Variants in SLC24A2 observed in about 807,000 individuals in gnomAD.
SLC24A2 encodes the protein sodium/potassium/calcium exchanger 2.
Under a neutral mutation model 62.0 loss-of-function variants are expected in SLC24A2, and 36 were observed. That is an observed-to-expected ratio of 0.58 (90% CI 0.44 to 0.77). SLC24A2 has a LOEUF of 0.77. Ranked by LOEUF, SLC24A2 falls within the 30% of genes least tolerant of loss-of-function variation. The pLI, the probability that SLC24A2 is intolerant of heterozygous loss-of-function variation, is 0.00. For synonymous variants in SLC24A2, 358 were observed against 294.0 expected, an observed-to-expected ratio of 1.22 and a Z score of -2.23; for missense variants, 846 against 817.9, an observed-to-expected ratio of 1.03 and a Z score of -0.42.
chr9:19,732,152 T>C (rs939551145), intron 2 of SLC24A2, among the ~76,000 whole-genome samples: 1 of 152,168 alleles, frequency 6.6e-6, no homozygotes, highest in African/African-American at 2.4e-5. Flanking sequence ...TAGACAGAAC[T>C]GCAAAAGGGC....
intron 5 of SLC24A2, among the ~76,000 whole-genome samples, chr9:19,591,683 A>G (rs1444421728): frequency 6.6e-6 from 1 of 152,200 alleles, no homozygotes; most frequent in African/African-American, 2.4e-5. Context: ...TGAGGTTACA[A>G]ATCATATACG....
At chr9:19,950,120 G>A in the SLC24A2 span, among the ~76,000 whole-genome samples, 1 of 152,172 alleles carries the variant, frequency 6.6e-6, no homozygotes, top group South Asian at 2.1e-4. Flanking sequence ...CCAAATCTGT[G>A]ACTTAATTAG....
chr9:19,940,151 A>G, the SLC24A2 span, among the ~76,000 whole-genome samples: 1 of 152,170 alleles, frequency 6.6e-6, no homozygotes, highest in Admixed American at 6.5e-5. Flanking sequence ...CACCGCTTGC[A>G]TTGTTTTCCT....
the SLC24A2 span, among the ~76,000 whole-genome samples, chr9:19,908,782 A>G: frequency 4.6e-5 from 7 of 152,256 alleles, no homozygotes; most frequent in Non-Finnish European, 8.8e-5. Context: ...CCACACTGAG[A>G]TACCATCTCA....
intron 8 of SLC24A2, among the ~76,000 whole-genome samples, chr9:19,544,493 G>C (rs554532963): frequency 2.6e-5 from 4 of 151,984 alleles, no homozygotes; most frequent in African/African-American, 9.7e-5. Flanking sequence ...TGGTTATTTT[G>C]CCTGTTAGTT....
At chr9:20,074,187 T>C in the SLC24A2 span, among the ~76,000 whole-genome samples, 1 of 152,028 alleles carries the variant, frequency 6.6e-6, no homozygotes, top group African/African-American at 2.4e-5. Flanking sequence ...GAATTCTGAT[T>C]TATACGCCAT....
At chr9:19,672,806 G>T (rs761987175) in intron 2 of SLC24A2, among the ~76,000 whole-genome samples, 2 of 146,468 alleles carry the variant, frequency 1.4e-5, no homozygotes, top group Admixed American at 1.3e-4. Context: ...TGATCATTCA[G>T]GAGCAAGTTA....
chr9:19,830,952 G>T, the SLC24A2 span, among the ~76,000 whole-genome samples: 2 of 152,170 alleles, frequency 1.3e-5, no homozygotes, highest in Non-Finnish European at 2.9e-5. Context: ...TTGGTGAAGG[G>T]TATTCTCTGC....
upstream of SLC24A2, among the ~76,000 whole-genome samples, chr9:19,793,629 T>C (rs923726111): frequency 6.6e-6 from 1 of 152,196 alleles, no homozygotes; most frequent in Admixed American, 6.5e-5. Context: ...TTTATCACTA[T>C]TATTATCCAC....
the SLC24A2 span, among the ~76,000 whole-genome samples, chr9:20,095,142 T>C: frequency 1.7e-4 from 26 of 152,302 alleles, no homozygotes; most frequent in African/African-American, 5.5e-4. Flanking sequence ...AATCCAATTT[T>C]TGTTTTGTTT....
At chr9:19,992,371 G>A in the SLC24A2 span, among the ~76,000 whole-genome samples, 2 of 152,122 alleles carry the variant, frequency 1.3e-5, no homozygotes, top group Non-Finnish European at 2.9e-5. Context: ...GTTGCTTATT[G>A]AAGATATTTT....
chr9:20,170,337 A>G, the SLC24A2 span, among the ~76,000 whole-genome samples: 1 of 152,000 alleles, frequency 6.6e-6, no homozygotes, highest in African/African-American at 2.4e-5. Context: ...CCCATCAACT[A>G]AGATTGCAAG....
intron 4 of SLC24A2, among the ~76,000 whole-genome samples, chr9:19,612,713 A>T (rs1229946479): frequency 6.6e-6 from 1 of 151,884 alleles, no homozygotes; most frequent in African/African-American, 2.4e-5. Context: ...ATAGTTCTTT[A>T]TCAAAGACAG....
At chr9:19,568,882 G>A (rs879089575) in intron 7 of SLC24A2, among the ~76,000 whole-genome samples, 5 of 151,048 alleles carry the variant, frequency 3.3e-5, no homozygotes, top group African/African-American at 9.7e-5. Context: ...TGTTCTGGAA[G>A]TAAGTAACAT....
At chr9:19,651,510 T>C (rs1818800447) in intron 2 of SLC24A2, among the ~76,000 whole-genome samples, 1 of 152,160 alleles carries the variant, frequency 6.6e-6, no homozygotes, top group Non-Finnish European at 1.5e-5. Context: ...AAACATGACA[T>C]TAGACAGCAA....
At chr9:20,290,119 C>T in the SLC24A2 span, among the ~76,000 whole-genome samples, 4 of 152,164 alleles carry the variant, frequency 2.6e-5, no homozygotes, top group African/African-American at 7.2e-5. Flanking sequence ...TTCCCCAGCT[C>T]GGCAGAGTGG....
chr9:19,636,323 CTTTCTTT>C lies in SLC24A2; in HGVS notation c.931-14031_931-14025del, dbSNP rs1818336064. On this transcript the variant is annotated intron_variant, in intron 2 of 10. Coordinates refer to ENST00000341998, the MANE Select transcript of SLC24A2 (RefSeq NM_020344.4). ...TCTTTTCTTTTCTTTTCTTTTCTTT[CTTTCTTT>C]CTTTCTTTCTTTCTTTCTTTCTTTC... 2.6e-4 allele frequency among the ~76,000 whole-genome samples: 5 copies of C among 19,168 alleles called. 1 individual carries two copies. The highest frequency in any genetic ancestry group is 9.8e-4 in the African/African-American group (5 of 5,098). 12.6% of individuals were successfully genotyped at this position (19,168 alleles called of 152,430 possible).
intron 8 of SLC24A2, among the ~76,000 whole-genome samples, chr9:19,541,444 G>C (rs948581369): frequency 6.6e-6 from 1 of 151,992 alleles, no homozygotes; most frequent in Non-Finnish European, 1.5e-5. Context: ...GTCAGCTGCA[G>C]GTCTGTTGGA....
At chr9:20,147,175 G>A in the SLC24A2 span, among the ~76,000 whole-genome samples, 1 of 152,128 alleles carries the variant, frequency 6.6e-6, no homozygotes, top group African/African-American at 2.4e-5. Flanking sequence ...ATTGACTTGG[G>A]TTTGGATACC....
Sources: gnomAD v4.1 joint callset for allele counts (sites outside exome capture counted in the v4.1 genomes callset) on GRCh38, gnomAD v4.1.1 for gene constraint, MANE v1.5 for transcripts, NCBI Gene and HGNC (gene_info 2026-07-23, HGNC 2026-07-21) for gene names.